CDHR3: variants seen among roughly 807,000 people sequenced by gnomAD.
CDHR3 encodes the protein cadherin related family member 3.
A neutral mutation model predicts 86.6 loss-of-function variants in CDHR3; 79 were observed. That is an observed-to-expected ratio of 0.91 (90% CI 0.76 to 1.10). The LOEUF (loss-of-function observed/expected upper bound fraction) is 1.10, where lower values mean the gene tolerates loss of function less well. Ranked by LOEUF, CDHR3 falls within the 50% of genes least tolerant of loss-of-function variation. The pLI is 0.00. For missense variants in CDHR3, 1,081 were observed against 1,077.6 expected (o/e 1.00, Z -0.04); for synonymous variants, 421 against 402.4 (o/e 1.05, Z -0.55).
chr7:105,993,082 T>C (rs1037499476), intron 4 of CDHR3, among the ~76,000 whole-genome samples: 1 of 152,208 alleles, frequency 6.6e-6, no homozygotes, highest in Non-Finnish European at 1.5e-5. Flanking sequence ...CCTTTGATTC[T>C]AGACTTCAGG....
Position 105,981,086 on chromosome 7 carries a change from T to A in CDHR3, c.368T>A (p.Val123Glu), listed in dbSNP as rs35558761. The A allele has an allele frequency of 4.3e-6, 7 of 1,613,616 alleles. No homozygotes were observed. The highest frequency in any genetic ancestry group is 8.5e-7 in the Non-Finnish European group (1 of 1,179,808). The part of the protein sequence containing the change: ...VTDLQVLTVQ[V>E]TDVNEPPQFQ... Reference sequence around the variant, plus strand: ...GACCTGCAAGTCCTGACTGTCCAGGTAACAGATGTGAACGAGCCACCTCAG... The same window carrying A: ...GACCTGCAAGTCCTGACTGTCCAGGAAACAGATGTGAACGAGCCACCTCAG... The change falls in exon 3 of 19, where the codon GTA (valine) becomes GAA (glutamate). Residue 123 changes from valine (V) to glutamate (E), a missense_variant. By Grantham distance (121) the Val-to-Glu change is moderately radical. Transcript: ENST00000317716.
chr7:106,002,137 C>A (rs111333334), intron 7 of CDHR3, among the ~76,000 whole-genome samples: 17 of 152,210 alleles, frequency 1.1e-4, no homozygotes, highest in African/African-American at 3.1e-4. Context: ...AGCTATGTCA[C>A]CCTTCACCTT....
chr7:106,034,902 AC>A lies in CDHR3; in HGVS notation c.*2208del, dbSNP rs1351758872. ...AGACCAGCCTGGCCAACATGGTGAAACCCTGTCTCTACTAAAAAATAGAAAA... is the reference window on the plus strand; with the variant it reads ...AGACCAGCCTGGCCAACATGGTGAAACCTGTCTCTACTAAAAAATAGAAAA... On this transcript the variant is annotated 3_prime_UTR_variant, in exon 19 of 19. Transcript: ENST00000317716. 6.6e-6 allele frequency among the ~76,000 whole-genome samples: 1 copy of A among 152,096 alleles called. No individual in the cohort carries two copies. Among genetic ancestry groups the A allele is most frequent in the Non-Finnish European group, 1.5e-5 (1 of 68,010 alleles).
intron 1 of CDHR3, among the ~76,000 whole-genome samples, chr7:105,972,367 G>A (rs1828120740): frequency 6.6e-6 from 1 of 152,198 alleles, no homozygotes. Flanking sequence ...AACATAGCAA[G>A]TTCTAACTTT....
intron 7 of CDHR3, among the ~76,000 whole-genome samples, chr7:106,003,658 T>C (rs1202220906): frequency 4.6e-5 from 7 of 152,122 alleles, no homozygotes; most frequent in Non-Finnish European, 8.8e-5. Flanking sequence ...CTGTCCCACC[T>C]TTATAAGTCC....
chr7:105,987,037 T>G (rs1830624216), intron 4 of CDHR3, among the ~76,000 whole-genome samples: 1 of 152,218 alleles, frequency 6.6e-6, no homozygotes, highest in Non-Finnish European at 1.5e-5. Context: ...AACATATATT[T>G]GTTTTTAAAT....
In CDHR3 at chr7:105,966,554, A is replaced by C. The variant is rs150676636; in HGVS notation, c.46+3190A>C. 4.6e-3 allele frequency among the ~76,000 whole-genome samples: 700 copies of C among 152,354 alleles called. 8 individuals are homozygous for C. The highest frequency in any genetic ancestry group is 0.016 in the African/African-American group (658 of 41,584). On this transcript the variant is annotated intron_variant, in intron 1 of 18. Coordinates refer to ENST00000317716, the MANE Select transcript of CDHR3 (RefSeq NM_152750.5). ...CTTCTTAATGCTCTCATCATATGAA[A>C]AGGCTGGAAGATGCAATCCATTTCT... is the stretch of plus-strand genomic sequence containing the variant.
intron 8 of CDHR3, among the ~76,000 whole-genome samples, chr7:106,005,683 G>A (rs548211763): frequency 6.6e-6 from 1 of 152,320 alleles, no homozygotes; most frequent in Admixed American, 6.5e-5. Flanking sequence ...ACATGCAGAG[G>A]ACAAAGGACC....
At position 106,030,770 on chromosome 7, in the gene CDHR3, G is replaced by T; in HGVS notation, c.2305-22G>T. 1 of 1,605,548 alleles carries T rather than the reference G, an allele frequency of 6.2e-7. No homozygotes were observed. The highest frequency in any genetic ancestry group is 8.5e-7 in the Non-Finnish European group (1 of 1,175,660). ...GAAGGAATGTAGGATTGTGTTTGAT[G>T]CTGTCTCTGTCTTCTCCTTAGGAAA... is the stretch of plus-strand genomic sequence containing the variant. On this transcript the variant is annotated intron_variant, in intron 17 of 18. Transcript: ENST00000317716. The surrounding 1 kb of genome is among the most constrained non-coding windows in gnomAD (Gnocchi z 4.8).
chr7:106,013,371 T>C (rs1314877263), intron 9 of CDHR3, among the ~76,000 whole-genome samples: 3 of 152,116 alleles, frequency 2.0e-5, no homozygotes, highest in Non-Finnish European at 4.4e-5. Context: ...TCCCGGCCCA[T>C]AGAGCTGTGA....
At chr7:106,004,008 A>AG (rs1563272454) in intron 7 of CDHR3, among the ~76,000 whole-genome samples, 2 of 150,924 alleles carry the variant, frequency 1.3e-5, no homozygotes, top group Non-Finnish European at 3.0e-5. Context: ...AAAAAAAAAA[A>AG]AAAGAAAGAA....
intron 17 of CDHR3, among the ~76,000 whole-genome samples, chr7:106,028,932 C>CTTTCTTTCTTTCTTTCTTTCTTTT (rs1837839093): frequency 8.6e-6 from 1 of 116,054 alleles, no homozygotes; most frequent in Non-Finnish European, 1.8e-5. Flanking sequence ...TTCTTTCTTT[C>CTTTCTTTCTTTCTTTCTTTCTTTT]TTTCTTTCTT....
Position 106,024,418 on chromosome 7 carries a change from A to T in CDHR3, c.2114A>T (p.Tyr705Phe). The T allele has an allele frequency of 6.2e-7, 1 of 1,613,548 alleles. No homozygotes were observed. The highest frequency in any genetic ancestry group is 2.2e-5 in the East Asian group (1 of 44,832). The change falls in exon 15 of 19, where the codon TAC becomes TTC. Residue 705 changes from tyrosine (Y) to phenylalanine (F), a missense_variant. Physicochemically the swap from Tyr to Phe is conservative, Grantham distance 22. Transcript: ENST00000317716. Reference protein sequence around the residue: ...VTYQVLRKNVYSPSAWYVPFV... With the variant: ...VTYQVLRKNVFSPSAWYVPFV... ...TATCAGGTCCTGAGGAAAAACGTTT[A>T]CTCTCCATCTGCATGGTACGTGCCG...
At chr7:106,024,058 G>A (rs953374626) in intron 14 of CDHR3, among the ~76,000 whole-genome samples, 1 of 151,934 alleles carries the variant, frequency 6.6e-6, no homozygotes, top group Non-Finnish European at 1.5e-5. Context: ...GGCTATATTC[G>A]TCCCTGGGTT....
At chr7:105,978,619 G>A (rs987597594) in intron 2 of CDHR3, among the ~76,000 whole-genome samples, 3 of 152,098 alleles carry the variant, frequency 2.0e-5, no homozygotes, top group Admixed American at 6.5e-5. Context: ...AATGGAGGAA[G>A]TTTTACCAAC....
Position 106,030,961 on chromosome 7 carries a change from C to T in CDHR3, c.2353+121C>T, listed in dbSNP as rs1838238162. The T allele has an allele frequency of 3.2e-6, 3 of 945,238 alleles. No homozygotes were observed. The Admixed American group carries it at 6.2e-5, about 19-fold the overall frequency. 58.6% of individuals were successfully genotyped at this position (945,238 alleles called of 1,614,324 possible). ...TTTGTCAATCCGTTTGGCTATGTTG[C>T]CTATATAGTGCTGACTCTTCTAGGC... On this transcript the variant is annotated intron_variant, in intron 18 of 18. Coordinates refer to ENST00000317716, the MANE Select transcript of CDHR3 (RefSeq NM_152750.5). This position sits in a 1 kb window ranked among gnomAD's most constrained non-coding sequence, Gnocchi z 4.8.
intron 6 of CDHR3, among the ~76,000 whole-genome samples, chr7:106,000,491 G>C (rs1832973813): frequency 6.6e-6 from 1 of 152,170 alleles, no homozygotes; most frequent in Non-Finnish European, 1.5e-5. Flanking sequence ...AGATCTGAGA[G>C]GTACTATACC....
At chr7:106,029,424 G>C (rs1005583174) in intron 17 of CDHR3, among the ~76,000 whole-genome samples, 1 of 152,192 alleles carries the variant, frequency 6.6e-6, no homozygotes, top group African/African-American at 2.4e-5. Context: ...TTCCTCACCT[G>C]TAAAATGGGG....
chr7:105,967,197 G>T (rs1479794962), intron 1 of CDHR3, among the ~76,000 whole-genome samples: 3 of 152,074 alleles, frequency 2.0e-5, no homozygotes, highest in African/African-American at 7.2e-5. Flanking sequence ...GAGTGAGAAC[G>T]TGCAGTGTTT....
Sources: allele counts gnomAD v4.1 joint callset (sites outside exome capture counted in the v4.1 genomes callset), GRCh38; gene constraint gnomAD v4.1.1; non-coding constraint Gnocchi (gnomAD v3.1); transcripts MANE v1.5; gene names NCBI Gene and HGNC (gene_info 2026-07-23, HGNC 2026-07-21).